TSPAN18: variants seen among roughly 807,000 people sequenced by gnomAD.
The protein encoded by TSPAN18 is tetraspanin 18, also known as tetraspanin-18.
TSPAN18 carries 14 observed loss-of-function variants against 27.3 expected under a neutral mutation model. The observed-to-expected ratio is 0.51, with a 90% CI of 0.34 to 0.80. The LOEUF is 0.80. TSPAN18 is among the 30% of genes least tolerant of loss of function. The probability of loss-of-function intolerance (pLI) is 0.01; values close to 1 mark genes in which losing one functional copy is unlikely to be tolerated. For missense variants in TSPAN18, 268 were observed against 323.9 expected, an observed-to-expected ratio of 0.83 and a Z score of 1.32; for synonymous variants, 143 against 136.5, an observed-to-expected ratio of 1.05 and a Z score of -0.33.
At chr11:44,765,248 C>G (rs1481556567) in intron 2 of TSPAN18, among the ~76,000 whole-genome samples, 6 of 152,162 alleles carry the variant, frequency 3.9e-5, no homozygotes, top group African/African-American at 1.4e-4. Flanking sequence ...AGCACTCACG[C>G]CCTCCATTTC....
Position 44,909,728 on chromosome 11 carries a change from C to G in TSPAN18, c.87C>G (p.Ala29=). Residue 29 remains alanine (A), a synonymous_variant, in exon 5 of 10, where the codon GCC becomes GCG. Coordinates refer to ENST00000520358, the MANE Select transcript of TSPAN18 (RefSeq NM_130783.5). ...FIFLGGACLL[A]IGIWVMVDPT... The stretch of plus-strand genomic sequence containing the variant: ...AGCTGGGCGGGGCCTGCCTGCTGGC[C>G]ATCGGCATCTGGGTCATGGTGGACC... The G allele has an allele frequency of 6.2e-7, 1 of 1,612,192 alleles. No individual in the cohort carries two copies. The highest frequency in any genetic ancestry group is 8.5e-7 in the Non-Finnish European group (1 of 1,179,790).
chr11:44,881,070 A>G (rs184690992), intron 3 of TSPAN18, among the ~76,000 whole-genome samples: 58 of 152,358 alleles, frequency 3.8e-4, no homozygotes, highest in Admixed American at 3.3e-3. Flanking sequence ...CCTGTGTTCA[A>G]ATCTCAGCTC....
chr11:44,843,673 G>C (rs1169145448), intron 2 of TSPAN18, among the ~76,000 whole-genome samples: 2 of 152,082 alleles, frequency 1.3e-5, no homozygotes, highest in African/African-American at 4.8e-5. Flanking sequence ...ACGCCGGGGG[G>C]GCCAGTTCAG....
chr11:44,751,968 A>G (rs573863554), intron 1 of TSPAN18, among the ~76,000 whole-genome samples: 3 of 152,014 alleles, frequency 2.0e-5, no homozygotes, highest in Non-Finnish European at 2.9e-5. Context: ...AGCTACCTAA[A>G]GCTAATATTT....
chr11:44,926,644 A>G (rs201194840), intron 8 of TSPAN18, 30 bp from the exon 9 acceptor site: 300 of 1,607,310 alleles, frequency 1.9e-4, no homozygotes, highest in Admixed American at 3.2e-4. Flanking sequence ...AACCCTGGCC[A>G]TAGCTTGACC....
chr11:44,810,399 G>T (rs1053075144), intron 2 of TSPAN18, among the ~76,000 whole-genome samples: 1 of 152,068 alleles, frequency 6.6e-6, no homozygotes. Context: ...GGCCTTTTGT[G>T]TCTGGCTTCT....
intron 3 of TSPAN18, among the ~76,000 whole-genome samples, chr11:44,861,854 G>T (rs1227346943): frequency 6.7e-6 from 1 of 148,868 alleles, no homozygotes; most frequent in Non-Finnish European, 1.5e-5. Flanking sequence ...GCCTCTGATG[G>T]ATCTGAGAGT....
Position 44,878,344 on chromosome 11 carries a change from C to T in TSPAN18, c.-11+17875C>T, listed in dbSNP as rs372564732. Among the ~76,000 whole-genome samples, 16 of 152,294 alleles carry T rather than the reference C, an allele frequency of 1.1e-4. No individual in the cohort carries two copies. The South Asian group carries it at 1.5e-3, about 14-fold the overall frequency. On this transcript the variant is annotated intron_variant, in intron 3 of 9. Coordinates refer to ENST00000520358, the MANE Select transcript of TSPAN18 (RefSeq NM_130783.5). ...AAGCCACGCTGGGCTCCCCTCTGGA[C>T]GCTGTAGAGATAATGAGATCCAGCG...
At chr11:44,750,780 A>T (rs1263111976) in intron 1 of TSPAN18, among the ~76,000 whole-genome samples, 1 of 152,214 alleles carries the variant, frequency 6.6e-6, no homozygotes, top group African/African-American at 2.4e-5. Flanking sequence ...AGGAGCAGCG[A>T]AAGAAAGATG....
chr11:44,827,234 G>A (rs983626660), intron 2 of TSPAN18, among the ~76,000 whole-genome samples: 46 of 152,376 alleles, frequency 3.0e-4, no homozygotes, highest in Admixed American at 1.4e-3. Flanking sequence ...TCTAGGCCCC[G>A]GAGTTGCTTT....
In TSPAN18 at chr11:44,926,783, G is replaced by A. The variant is rs200794424; in HGVS notation, c.699+26G>A. On this transcript the variant is annotated intron_variant, in intron 9 of 9. Transcript: ENST00000520358. ...GTAAGTAAAGGCCCCCACTTCTGCCGCTCCCCAGGATGAAGCCTCACGTGG... is the reference window on the plus strand; with the variant it reads ...GTAAGTAAAGGCCCCCACTTCTGCCACTCCCCAGGATGAAGCCTCACGTGG... 145 of 1,608,880 alleles carry A rather than the reference G, an allele frequency of 9.0e-5. 1 individual carries two copies. In the Admixed American group the frequency reaches 1.0e-3, roughly 11 times the overall value.
intron 2 of TSPAN18, among the ~76,000 whole-genome samples, chr11:44,850,100 G>C (rs546193681): frequency 1.3e-5 from 2 of 152,084 alleles, no homozygotes; most frequent in African/African-American, 4.8e-5. Flanking sequence ...CATTGTTCTC[G>C]GCTCCCTTCC....
At chr11:44,743,871 T>C (rs1019420480) in intron 1 of TSPAN18, among the ~76,000 whole-genome samples, 3 of 152,212 alleles carry the variant, frequency 2.0e-5, no homozygotes, top group African/African-American at 7.2e-5. Context: ...TGTAACACCA[T>C]CCGAGTACCC....
At chr11:44,835,733 T>C (rs1248134714) in intron 2 of TSPAN18, among the ~76,000 whole-genome samples, 1 of 152,228 alleles carries the variant, frequency 6.6e-6, no homozygotes, top group Non-Finnish European at 1.5e-5. Flanking sequence ...AAATGGAAGC[T>C]TTGTGGCAAC....
intron 5 of TSPAN18, among the ~76,000 whole-genome samples, chr11:44,913,620 A>T (rs1392762954): frequency 6.6e-6 from 1 of 152,274 alleles, no homozygotes; most frequent in Non-Finnish European, 1.5e-5. Flanking sequence ...TGAATTGTAC[A>T]TGCAGTATGT....
intron 2 of TSPAN18, among the ~76,000 whole-genome samples, chr11:44,844,255 GTGGATGGACATTGGATCGTTTCC>G (rs1857434765): frequency 6.6e-6 from 1 of 151,916 alleles, no homozygotes. Flanking sequence ...CATTTTTTCT[GTGGATGGACATTGGATCGTTTCC>G]TTTTTTTTTT....
chr11:44,754,280 A>C (rs1855279944), intron 1 of TSPAN18, among the ~76,000 whole-genome samples: 1 of 152,198 alleles, frequency 6.6e-6, no homozygotes, highest in Non-Finnish European at 1.5e-5. Context: ...TAATAGCCCC[A>C]GTTGCGGCCT....
intron 2 of TSPAN18, among the ~76,000 whole-genome samples, chr11:44,770,398 G>A (rs79660424): frequency 0.016 from 2,489 of 152,222 alleles, 60 homozygotes; most frequent in African/African-American, 0.057. Flanking sequence ...ACATAATCTC[G>A]GGGAAGAGGC....
At chr11:44,815,562 C>T (rs890946682) in intron 2 of TSPAN18, among the ~76,000 whole-genome samples, 1 of 152,194 alleles carries the variant, frequency 6.6e-6, no homozygotes, top group Non-Finnish European at 1.5e-5. Flanking sequence ...GATTTGGTTA[C>T]TTGCTCAACA....
Sources: allele counts gnomAD v4.1 joint callset (sites outside exome capture counted in the v4.1 genomes callset), GRCh38; gene constraint gnomAD v4.1.1; transcripts MANE v1.5; gene names NCBI Gene and HGNC (gene_info 2026-07-23, HGNC 2026-07-21).